The following ZNF85 variants were observed in gnomAD, a reference collection of about 807,000 sequenced individuals.
ZNF85 encodes zinc finger protein 85 (HPF4, HTF1).
A neutral mutation model predicts 53.9 loss-of-function variants in ZNF85; 50 were observed. That is an observed-to-expected ratio of 0.93 (90% confidence interval 0.74 to 1.17). ZNF85 has a LOEUF of 1.17. Among genes scored for constraint, ZNF85 ranks in the 50% most tolerant of loss-of-function variants. The pLI is 0.00. For synonymous variants in ZNF85, 225 were observed against 226.1 expected (o/e 1.00, Z 0.04); for missense variants, 747 against 688.5 (o/e 1.08, Z -0.95).
chr19:20,932,741 T>G (rs1334287529), intron 1 of ZNF85, among the ~76,000 whole-genome samples: 1 of 152,136 alleles, frequency 6.6e-6, no homozygotes, highest in African/African-American at 2.4e-5. Flanking sequence ...AAAGATGATT[T>G]AAAATTACTA....
intron 3 of ZNF85, among the ~76,000 whole-genome samples, chr19:20,940,987 T>G (rs1224425623): frequency 6.6e-6 from 1 of 152,194 alleles, no homozygotes; most frequent in East Asian, 1.9e-4. Flanking sequence ...TCCCAGGTTC[T>G]GTGTTGCATA....
chr19:20,929,609 G>A (rs993629142), intron 1 of ZNF85, among the ~76,000 whole-genome samples: 1 of 152,120 alleles, frequency 6.6e-6, no homozygotes, highest in Non-Finnish European at 1.5e-5. Context: ...GCAGTGGCTT[G>A]GCTTAAAAAG....
rs1012667979 is a variant in ZNF85 at position 20,949,282 on chromosome 19, A to C, written c.768A>C (p.Lys256Asn). ...IKHKKIHTGE[K>N]PYKCEECGKT... ...ATAAGAAAATTCATACTGGAGAGAAACCCTACAAATGTGAAGAATGTGGCA... is the reference window on the plus strand; with the variant it reads ...ATAAGAAAATTCATACTGGAGAGAACCCCTACAAATGTGAAGAATGTGGCA... Residue 256 changes from lysine (K) to asparagine (N), a missense_variant, in exon 4 of 4, where the codon AAA becomes AAC. By Grantham distance (94) the Lys-to-Asn change is moderately conservative. Transcript: ENST00000328178. 6.2e-7 allele frequency: 1 copy of C among 1,612,666 alleles called. No homozygotes were observed. The highest frequency in any genetic ancestry group is 8.5e-7 in the Non-Finnish European group (1 of 1,179,522).
intron 3 of ZNF85, among the ~76,000 whole-genome samples, chr19:20,945,177 A>G (rs1973390469): frequency 6.6e-6 from 1 of 152,150 alleles, no homozygotes; most frequent in African/African-American, 2.4e-5. Context: ...ATATTTGTAA[A>G]TATTCAATTT....
At chr19:20,944,481 AT>A (rs1257339408) in intron 3 of ZNF85, among the ~76,000 whole-genome samples, 3 of 116,622 alleles carry the variant, frequency 2.6e-5, no homozygotes, top group African/African-American at 3.1e-5. Flanking sequence ...TAGTATAATT[AT>A]TATATATTTT....
Position 20,947,488 on chromosome 19 carries a change from C to CTTTTTTTTTTTTTTTTTTTT in ZNF85, c.230-1246_230-1227dup. Among the ~76,000 whole-genome samples, 2 of 51,634 alleles carry CTTTTTTTTTTTTTTTTTTTT rather than the reference C, an allele frequency of 3.9e-5. 1 individual carries two copies. The allele number at this position is 51,634 out of a possible 152,430, so 33.9% of individuals were successfully genotyped here. ...GTAGGGCATATGCAGTGCCAATACACTTTTTTTTTTTTTTTTTTTTTTTTT... is the reference window on the plus strand; with the variant it reads ...GTAGGGCATATGCAGTGCCAATACACTTTTTTTTTTTTTTTTTTTTTTTTTTTTTTTTTTTTTTTTTTTTT... On this transcript the variant is annotated intron_variant, in intron 3 of 3. Transcript: ENST00000328178.
chr19:20,945,109 T>C (rs1440573617), intron 3 of ZNF85, among the ~76,000 whole-genome samples: 1 of 149,588 alleles, frequency 6.7e-6, no homozygotes, highest in Admixed American at 6.6e-5. Flanking sequence ...ATCATTACTC[T>C]GTATCTTAGG....
intron 1 of ZNF85, among the ~76,000 whole-genome samples, chr19:20,924,429 G>A (rs1972833117): frequency 6.6e-6 from 1 of 152,050 alleles, no homozygotes; most frequent in Non-Finnish European, 1.5e-5. Context: ...TAAAAAGGAG[G>A]ACCCCAGGGA....
At chr19:20,947,623 A>T (rs1973455410) in intron 3 of ZNF85, among the ~76,000 whole-genome samples, 1 of 150,548 alleles carries the variant, frequency 6.6e-6, no homozygotes, top group African/African-American at 2.4e-5. Flanking sequence ...TAAATGACAC[A>T]TCACTTTTAT....
In ZNF85 at chr19:20,949,930, T is replaced by C; in HGVS notation, c.1416T>C (p.His472=). 6.2e-7 allele frequency: 1 copy of C among 1,612,280 alleles called. No homozygotes were observed. Among genetic ancestry groups the C allele is most frequent in the South Asian group, 1.1e-5 (1 of 90,906 alleles). Residue 472 remains histidine, a synonymous_variant, in exon 4 of 4, where the codon CAT becomes CAC. Coordinates refer to ENST00000328178, the MANE Select transcript of ZNF85 (RefSeq NM_003429.5). Reference sequence around the variant, plus strand: ...ACCAGTCCTCAAATCTTACTAGACATAAGAAAAGTCATACAGAAGAGAAAC... The same window carrying C: ...ACCAGTCCTCAAATCTTACTAGACACAAGAAAAGTCATACAGAAGAGAAAC... ...AFNQSSNLTR[H]KKSHTEEKPY...
intron 3 of ZNF85, among the ~76,000 whole-genome samples, chr19:20,944,483 T>G (rs953785587): frequency 6.8e-6 from 1 of 146,228 alleles, no homozygotes; most frequent in African/African-American, 2.5e-5. Context: ...GTATAATTAT[T>G]ATATATTTTT....
At chr19:20,930,141 AAG>A (rs1364046761) in intron 1 of ZNF85, among the ~76,000 whole-genome samples, 1 of 150,868 alleles carries the variant, frequency 6.6e-6, no homozygotes, top group Admixed American at 6.6e-5. Flanking sequence ...AAAAAAAAAA[AAG>A]AAATCAGAGT....
rs1174423997 is a variant in ZNF85, at chr19:20,923,382, A to T, written c.-19A>T. ...GGAGATCCACAGCTAAGACGCCGGGACCCCCTGGAAGCCTAGAAATGGTGA... is the reference window on the plus strand; with the variant it reads ...GGAGATCCACAGCTAAGACGCCGGGTCCCCCTGGAAGCCTAGAAATGGTGA... On this transcript the variant is annotated 5_prime_UTR_variant, in exon 1 of 4. Transcript: ENST00000328178. 8.7e-6 allele frequency: 14 copies of T among 1,613,738 alleles called. No homozygotes were observed. In the South Asian group the frequency reaches 1.5e-4, roughly 18 times the overall value.
chr19:20,926,846 G>T (rs997042776), intron 1 of ZNF85: 3 of 151,284 alleles, frequency 2.0e-5, no homozygotes, highest in Admixed American at 2.0e-4. Flanking sequence ...TTAGATTTGT[G>T]TAAAAAAAAA....
At chr19:20,947,565 C>T (rs1373469352) in intron 3 of ZNF85, among the ~76,000 whole-genome samples, 3 of 120,696 alleles carry the variant, frequency 2.5e-5, no homozygotes, top group Non-Finnish European at 4.8e-5. Flanking sequence ...TTCTCGCTTG[C>T]AAAATTTTCA....
intron 3 of ZNF85, chr19:20,936,693 A>C (rs1415846735): frequency 6.4e-6 from 1 of 156,100 alleles, no homozygotes; most frequent in South Asian, 2.0e-4. Flanking sequence ...GATAAGGAAT[A>C]GGAACAGGCT....
At chr19:20,931,616 TTTTC>T (rs1362532212) in intron 1 of ZNF85, among the ~76,000 whole-genome samples, 1 of 130,900 alleles carries the variant, frequency 7.6e-6, no homozygotes. Flanking sequence ...TTCTTTTTCT[TTTTC>T]TTTTTTTTTT....
intron 1 of ZNF85, among the ~76,000 whole-genome samples, chr19:20,932,018 G>A (rs1397535107): frequency 6.6e-6 from 1 of 152,194 alleles, no homozygotes; most frequent in Non-Finnish European, 1.5e-5. Flanking sequence ...GCAGCTCATT[G>A]TTCCTGAATC....
At chr19:20,933,339 C>T (rs1363679033) in intron 1 of ZNF85, among the ~76,000 whole-genome samples, 1 of 151,602 alleles carries the variant, frequency 6.6e-6, no homozygotes, top group African/African-American at 2.4e-5. Flanking sequence ...CATAAACCAT[C>T]ACAGTTAATC....
Sources: allele counts gnomAD v4.1 joint callset (sites outside exome capture counted in the v4.1 genomes callset), GRCh38; gene constraint gnomAD v4.1.1; transcripts MANE v1.5; gene names NCBI Gene and HGNC (gene_info 2026-07-23, HGNC 2026-07-21).